Variants in LRRN2 observed in about 807,000 individuals in gnomAD.
LRRN2 encodes the protein leucine rich repeat neuronal 2, also known as leucine-rich repeat neuronal protein 2.
Under a neutral mutation model 35.7 loss-of-function variants are expected in LRRN2, and 10 were observed. That is an observed-to-expected ratio of 0.28 (90% CI 0.17 to 0.47). The LOEUF is 0.47. LRRN2 is among the 20% of genes least tolerant of loss of function. The pLI is 0.99. For missense variants in LRRN2, 731 were observed against 940.3 expected (o/e 0.78, Z 2.91); for synonymous variants, 391 against 409.6 (o/e 0.95, Z 0.55).
At position 204,619,693 on chromosome 1, in the gene LRRN2, C is replaced by T. The variant is rs762532984; in HGVS notation, c.300G>A (p.Leu100=). 1.2e-6 allele frequency: 2 copies of T among 1,614,188 alleles called. No homozygotes were observed. Among genetic ancestry groups the T allele is most frequent in the South Asian group, 2.2e-5 (2 of 91,086 alleles). ...GYLANLTELD[L]SQNSFSDARD... ...GGGCATCCGAAAAGCTGTTCTGGGA[C>T]AGGTCCAGCTCTGTGAGATTGGCCA... The change falls in exon 2 of 2, where the codon CTG becomes CTA. Residue 100 remains leucine (L), a synonymous_variant. Transcript: ENST00000367177.
chr1:204,624,224 G>T (rs1263357501), intron 1 of LRRN2, among the ~76,000 whole-genome samples: 3 of 152,076 alleles, frequency 2.0e-5, no homozygotes, highest in African/African-American at 7.2e-5. Flanking sequence ...CAACCCCCCT[G>T]GGGGACAGTG....
chr1:204,620,153 C>A lies in LRRN2; in HGVS notation c.-161G>T, dbSNP rs953923929. Reference sequence around the variant, plus strand: ...GTCACTTCTTGCCCTCCTCAATATGCCTTCTCTTCCTTGTCCTCTGGGGCT... The same window carrying A: ...GTCACTTCTTGCCCTCCTCAATATGACTTCTCTTCCTTGTCCTCTGGGGCT... On this transcript the variant is annotated 5_prime_UTR_variant, in exon 2 of 2. Coordinates refer to ENST00000367177, the MANE Select transcript of LRRN2 (RefSeq NM_201630.2). 6.9e-7 allele frequency: 1 copy of A among 1,454,356 alleles called. No individual in the cohort carries two copies. The highest frequency in any genetic ancestry group is 2.5e-5 in the East Asian group (1 of 40,020). The allele number at this position is 1,454,356 out of a possible 1,614,324, so 90.1% of individuals were successfully genotyped here. A position where few individuals can be genotyped will look rare whatever the true frequency, so the allele number is the denominator to read the frequency against.
intron 1 of LRRN2, among the ~76,000 whole-genome samples, chr1:204,634,026 G>A (rs1411930750): frequency 6.6e-6 from 1 of 152,238 alleles, no homozygotes; most frequent in African/African-American, 2.4e-5. Context: ...GCTTCCATCT[G>A]TGATCAATAA....
rs185406975 is a variant in LRRN2 at position 204,623,535 on chromosome 1, C to G, written c.-226-3317G>C. 8.6e-4 allele frequency among the ~76,000 whole-genome samples: 131 copies of G among 152,376 alleles called. No individual in the cohort carries two copies. In the East Asian group the frequency reaches 0.016, roughly 19 times the overall value. ...GGCAAAGGCCCAGACAAGTCCACCC[C>G]CTCACTGCTGAGCATGCAGCTCTTT... On this transcript the variant is annotated intron_variant, in intron 1 of 1. Coordinates refer to ENST00000367177, the MANE Select transcript of LRRN2 (RefSeq NM_201630.2).
At chr1:204,622,487 G>A (rs1392902834) in intron 1 of LRRN2, among the ~76,000 whole-genome samples, 1 of 152,246 alleles carries the variant, frequency 6.6e-6, no homozygotes, top group Non-Finnish European at 1.5e-5. Context: ...AAGGCACAGA[G>A]GTTTTGATAG....
intron 1 of LRRN2, among the ~76,000 whole-genome samples, chr1:204,681,816 A>G (rs1668963104): frequency 6.6e-6 from 1 of 152,374 alleles, no homozygotes; most frequent in South Asian, 2.1e-4. Context: ...CCTTTCAGCA[A>G]TCTAATCACA....
intron 1 of LRRN2, among the ~76,000 whole-genome samples, chr1:204,634,589 T>C (rs75477204): frequency 0.025 from 3,814 of 152,214 alleles, 126 homozygotes; most frequent in East Asian, 0.11. Context: ...GAAGGTGCCA[T>C]GTGCCACGGA....
intron 1 of LRRN2, among the ~76,000 whole-genome samples, chr1:204,625,033 T>A (rs1667234583): frequency 6.6e-6 from 1 of 152,164 alleles, no homozygotes; most frequent in Non-Finnish European, 1.5e-5. Context: ...CACTTCCACC[T>A]CCCATTTAAT....
chr1:204,675,641 C>A (rs1042942822), intron 1 of LRRN2, among the ~76,000 whole-genome samples: 1 of 152,226 alleles, frequency 6.6e-6, no homozygotes. Flanking sequence ...CCCAGATAAT[C>A]CAGGATAATT....
intron 1 of LRRN2, among the ~76,000 whole-genome samples, chr1:204,636,033 G>A (rs142990517): frequency 3.8e-4 from 58 of 152,236 alleles, no homozygotes; most frequent in African/African-American, 1.2e-3. Flanking sequence ...ACCTGCAGCC[G>A]GCCATCTCTG....
At position 204,619,109 on chromosome 1, in the gene LRRN2, A is replaced by G; in HGVS notation, c.884T>C (p.Met295Thr). The change falls in exon 2 of 2, where the codon ATG becomes ACG. Residue 295 changes from methionine (M) to threonine (T), a missense_variant. Met to Thr is a moderately conservative substitution (Grantham distance 81). Around this residue, in one of 3 missense-constraint regions of LRRN2, gnomAD observed 256 missense variants for 392.4 expected, o/e 0.65. Transcript: ENST00000367177. ...CTTGTCGATGGAGACCAGCTCCTCC[A>G]TGTTGTTCAGTCCCAGCTCCTTAAG... ...LHLKELGLNNMEELVSIDKFA... is the reference protein window; with the variant it reads ...LHLKELGLNNTEELVSIDKFA... 1.2e-6 allele frequency: 2 copies of G among 1,611,332 alleles called. No homozygotes were observed. The highest frequency in any genetic ancestry group is 1.7e-6 in the Non-Finnish European group (2 of 1,178,378).
intron 1 of LRRN2, among the ~76,000 whole-genome samples, chr1:204,667,144 G>A (rs1668590484): frequency 6.6e-6 from 1 of 152,072 alleles, no homozygotes; most frequent in Non-Finnish European, 1.5e-5. Context: ...GTGATGGTGT[G>A]GTTAACTAGC....
At chr1:204,652,604 T>C (rs1259100604) in intron 1 of LRRN2, among the ~76,000 whole-genome samples, 2 of 152,096 alleles carry the variant, frequency 1.3e-5, no homozygotes, top group Non-Finnish European at 2.9e-5. Context: ...ATGGAGTAGG[T>C]ACTGGATAAA....
intron 1 of LRRN2, among the ~76,000 whole-genome samples, chr1:204,683,935 G>C (rs1669008740): frequency 6.6e-6 from 1 of 152,204 alleles, no homozygotes; most frequent in Non-Finnish European, 1.5e-5. Context: ...AAAGGCAAGG[G>C]GGCTCCAGTG....
chr1:204,620,045 C>CT lies in LRRN2; in HGVS notation c.-54dup, dbSNP rs565304397. 7.7e-6 allele frequency: 12 copies of CT among 1,553,850 alleles called. No homozygotes were observed. The highest frequency in any genetic ancestry group is 9.6e-6 in the Non-Finnish European group (11 of 1,149,428). ...CACAAGAAGAGTCTGGAGTCCTGCT[C>CT]TTTGTGTTTTGCAGGGTAAGGGTCA... On this transcript the variant is annotated 5_prime_UTR_variant, in exon 2 of 2. Transcript: ENST00000367177.
At chr1:204,671,675 A>AGAAAC (rs1668717342) in intron 1 of LRRN2, among the ~76,000 whole-genome samples, 2 of 111,462 alleles carry the variant, frequency 1.8e-5, no homozygotes, top group African/African-American at 6.2e-5. Flanking sequence ...AAAAAAGCAA[A>AGAAAC]GGTGCCAATG....
At chr1:204,674,818 G>C (rs1321921466) in intron 1 of LRRN2, among the ~76,000 whole-genome samples, 1 of 152,220 alleles carries the variant, frequency 6.6e-6, no homozygotes, top group Non-Finnish European at 1.5e-5. Context: ...AGAAAGCTGA[G>C]GCCCAGGAAG....
At chr1:204,681,827 T>C (rs1321681322) in intron 1 of LRRN2, among the ~76,000 whole-genome samples, 1 of 152,278 alleles carries the variant, frequency 6.6e-6, no homozygotes, top group Admixed American at 6.5e-5. Flanking sequence ...TCTAATCACA[T>C]GCTGCTGTCT....
intron 1 of LRRN2, chr1:204,629,141 G>T (rs186397230): frequency 2.0e-5 from 3 of 152,276 alleles, no homozygotes; most frequent in Admixed American, 6.5e-5. Flanking sequence ...AGGCAAGGGC[G>T]GGGGGAAGGG....
Sources: gnomAD v4.1 joint callset for allele counts (sites outside exome capture counted in the v4.1 genomes callset) on GRCh38, gnomAD v4.1.1 for gene constraint, gnomAD v4.1.1 regional missense constraint, MANE v1.5 for transcripts, NCBI Gene and HGNC (gene_info 2026-07-23, HGNC 2026-07-21) for gene names.